PSG2: variants seen among roughly 807,000 people sequenced by gnomAD.
PSG2 encodes the protein pregnancy specific beta-1-glycoprotein 2, also known as pregnancy-specific beta-1-glycoprotein 2.
Under a neutral mutation model 36.2 loss-of-function variants are expected in PSG2, and 49 were observed. The ratio of observed to expected loss-of-function variants is 1.35; its 90% confidence interval spans 1.08 to 1.72. PSG2 has a LOEUF of 1.72. PSG2 is among the 40% of genes most tolerant of loss of function. PSG2 has a pLI of 0.00. For missense variants in PSG2, 605 were observed against 407.2 expected (o/e 1.49, Z -4.18); for synonymous variants, 261 against 155.6 (o/e 1.68, Z -5.04).
At position 43,072,629 on chromosome 19, in the gene PSG2, G is replaced by T. The variant is rs764219040; in HGVS notation, c.710-675C>A. The T allele has an allele frequency of 4.7e-5, 75 of 1,611,230 alleles. 2 individuals carry two copies. The highest frequency in any genetic ancestry group is 1.7e-4 in the African/African-American group (13 of 74,366). On this transcript the variant is annotated intron_variant, in intron 3 of 5. Transcript: ENST00000406487. ...GGTGATTTAGGGCTTGGGCAGCTTCGCTGTGTGGATAACAGAGAGAAGATT... is the reference window on the plus strand; with the variant it reads ...GGTGATTTAGGGCTTGGGCAGCTTCTCTGTGTGGATAACAGAGAGAAGATT...
chr19:43,066,302 C>G (rs2060712808), intron 5 of PSG2, among the ~76,000 whole-genome samples: 1 of 151,568 alleles, frequency 6.6e-6, no homozygotes, highest in Non-Finnish European at 1.5e-5. Context: ...AACAAATGAG[C>G]AGAGGCTGGA....
rs1041826507 is a variant in PSG2 at position 43,072,383 on chromosome 19, A to C, written c.710-429T>G. 1.9e-5 allele frequency: 30 copies of C among 1,612,580 alleles called. 1 individual carries two copies. The highest frequency in any genetic ancestry group is 2.7e-5 in the African/African-American group (2 of 74,422). On this transcript the variant is annotated intron_variant, in intron 3 of 5. Coordinates refer to ENST00000406487, the MANE Select transcript of PSG2 (RefSeq NM_031246.4). The stretch of plus-strand genomic sequence containing the variant: ...ATTCAGGGTGACTGGGTCACTGTGG[A>C]TGCCACCATATCGGTCCCGTATTTC...
chr19:43,074,141 T>C (rs1244631296), intron 3 of PSG2, among the ~76,000 whole-genome samples: 2 of 151,672 alleles, frequency 1.3e-5, no homozygotes, highest in East Asian at 3.9e-4. Context: ...CTTTTCATGG[T>C]TGCATCTTTT....
chr19:43,075,744 A>T (rs1967886739), intron 2 of PSG2, 112 bp from the exon 3 acceptor site: 10 of 1,515,650 alleles, frequency 6.6e-6, no homozygotes, highest in Non-Finnish European at 8.8e-6. Context: ...AAGTCCTTAA[A>T]AGCCCATGGC....
At chr19:43,081,857 A>T (rs552753949) in intron 1 of PSG2, 1 of 154,634 alleles carries the variant, frequency 6.5e-6, no homozygotes, top group Non-Finnish European at 1.4e-5. Flanking sequence ...TTCTCCCCCA[A>T]TTGTTGAGGT....
At chr19:43,071,386 C>G (rs554989690) in intron 4 of PSG2, among the ~76,000 whole-genome samples, 1 of 151,694 alleles carries the variant, frequency 6.6e-6, no homozygotes, top group East Asian at 1.9e-4. Flanking sequence ...TTAGTGACAT[C>G]CAGAAGCAAC....
chr19:43,082,339 A>G, intron 1 of PSG2, 167 bp downstream of exon 1: 1 of 1,078,864 alleles, frequency 9.3e-7, no homozygotes, highest in Non-Finnish European at 1.3e-6. Context: ...ACAGGGCTAC[A>G]CTGTGTTGGC....
At chr19:43,070,321 C>T (rs1323856004) in intron 4 of PSG2, among the ~76,000 whole-genome samples, 1 of 151,540 alleles carries the variant, frequency 6.6e-6, no homozygotes, top group South Asian at 2.1e-4. Context: ...AATAAATTAC[C>T]GTTTGATCCA....
chr19:43,071,741 G>T lies in PSG2; in HGVS notation c.923C>A (p.Thr308Asn). ...CAACGATGTGGAGCTTTCCTCGCCA[G>T]TGGCTGAGTTACGAACAGAGCAAAC... ...LYVCSVRNSA[T>N]GEESSTSLTV... The change falls in exon 4 of 6, where the codon ACT becomes AAT. Residue 308 changes from threonine (T) to asparagine (N), a missense_variant. Transcript: ENST00000406487. The T allele has an allele frequency of 6.2e-7, 1 of 1,612,988 alleles. No individual in the cohort carries two copies. Among genetic ancestry groups the T allele is most frequent in the Non-Finnish European group, 8.5e-7 (1 of 1,179,454 alleles).
At chr19:43,067,814 G>C (rs1329945193) in intron 4 of PSG2, among the ~76,000 whole-genome samples, 9 of 151,266 alleles carry the variant, frequency 5.9e-5, no homozygotes, top group Admixed American at 5.9e-4. Flanking sequence ...GCAATATTCA[G>C]GTAAGGAATC....
In PSG2 at chr19:43,075,353, C is replaced by A. The variant is rs148538148; in HGVS notation, c.709+1G>T. 5.6e-6 allele frequency: 9 copies of A among 1,613,074 alleles called. 1 individual carries two copies. Among genetic ancestry groups the A allele is most frequent in the African/African-American group, 2.7e-5 (2 of 74,606 alleles). ...CCCACAGAGGAACAGAAGATACTCACGGAGGAGATTCAGGGTGACTGGGTC... is the reference window on the plus strand; with the variant it reads ...CCCACAGAGGAACAGAAGATACTCAAGGAGGAGATTCAGGGTGACTGGGTC... On this transcript the variant is annotated splice_donor_variant, in intron 3 of 5. Transcript: ENST00000406487. LOFTEE classifies it high-confidence loss of function.
At chr19:43,079,436 C>T (rs889175167) in intron 2 of PSG2, among the ~76,000 whole-genome samples, 1 of 151,582 alleles carries the variant, frequency 6.6e-6, no homozygotes, top group Non-Finnish European at 1.5e-5. Context: ...TAGGATTCTG[C>T]ATCCAACATC....
At chr19:43,073,885 A>T (rs559017511) in intron 3 of PSG2, among the ~76,000 whole-genome samples, 12 of 151,738 alleles carry the variant, frequency 7.9e-5, no homozygotes, top group African/African-American at 2.7e-4. Context: ...TAGCATCCCA[A>T]ATCTGAAAGA....
chr19:43,082,366 T>C (rs1043388552), intron 1 of PSG2, 140 bp downstream of exon 1: 1 of 1,348,418 alleles, frequency 7.4e-7, no homozygotes. Flanking sequence ...GACCTTGAAC[T>C]CCTGATCTCG....
At chr19:43,077,369 T>C (rs866155377) in intron 2 of PSG2, among the ~76,000 whole-genome samples, 1 of 151,820 alleles carries the variant, frequency 6.6e-6, no homozygotes, top group Non-Finnish European at 1.5e-5. Flanking sequence ...TGTGTTATGT[T>C]AGTAAATATA....
chr19:43,079,065 A>C (rs144030400), intron 2 of PSG2, among the ~76,000 whole-genome samples: 1 of 151,750 alleles, frequency 6.6e-6, no homozygotes, highest in Non-Finnish European at 1.5e-5. Context: ...GGAAGGGAAC[A>C]GAACAGCCAG....
In PSG2 at chr19:43,080,928, C is replaced by T. The variant is rs1454741036; in HGVS notation, c.383G>A (p.Gly128Asp). ...GSYTLHIIKR[G>D]DGTRGVTGYF... ...TCCAGTTACTCCTCTAGTCCCATCACCTCGCTTTATGATGTGTAAGGTGTA... is the reference window on the plus strand; with the variant it reads ...TCCAGTTACTCCTCTAGTCCCATCATCTCGCTTTATGATGTGTAAGGTGTA... Residue 128 changes from glycine (G) to aspartate (D), a missense_variant, in exon 2 of 6, where the codon GGT (glycine) becomes GAT (aspartate). Coordinates refer to ENST00000406487, the MANE Select transcript of PSG2 (RefSeq NM_031246.4). 8 of 1,612,788 alleles carry T rather than the reference C, an allele frequency of 5.0e-6. No homozygotes were observed. In the South Asian group the frequency reaches 5.5e-5, roughly 11 times the overall value.
chr19:43,070,430 A>G (rs188388253), intron 4 of PSG2, among the ~76,000 whole-genome samples: 12 of 151,890 alleles, frequency 7.9e-5, no homozygotes, highest in Middle Eastern at 3.4e-3. Context: ...CACTAGCGAA[A>G]AAATGGAAAC....
At chr19:43,081,312 T>G in intron 1 of PSG2, 66 bp from the exon 2 acceptor site, 97 of 1,522,888 alleles carry the variant, frequency 6.4e-5, no homozygotes, top group East Asian at 4.6e-5. Context: ...GATGGGGCCC[T>G]GGGTCCTGAG....
Sources: allele counts gnomAD v4.1 joint callset (sites outside exome capture counted in the v4.1 genomes callset), GRCh38; gene constraint gnomAD v4.1.1; transcripts MANE v1.5; gene names NCBI Gene and HGNC (gene_info 2026-07-23, HGNC 2026-07-21).